DPYD: variants seen among roughly 807,000 people sequenced by gnomAD.
DPYD encodes the protein dihydropyrimidine dehydrogenase, also known as dihydropyrimidine dehydrogenase [NADP(+)].
In DPYD, 109 loss-of-function variants were observed where a neutral mutation model predicts 116.2. The observed-to-expected ratio is 0.94, with a 90% CI of 0.80 to 1.10. The LOEUF is 1.10. Ranked by LOEUF, DPYD falls within the 50% of genes least tolerant of loss-of-function variation. The probability of loss-of-function intolerance (pLI) is 0.00; values close to 1 mark genes in which losing one functional copy is unlikely to be tolerated. For missense variants in DPYD, 1,302 were observed against 1,254.5 expected, an observed-to-expected ratio of 1.04 and a Z score of -0.57; for synonymous variants, 440 against 432.0, an observed-to-expected ratio of 1.02 and a Z score of -0.23.
chr1:97,919,684 C>T (rs1297511028), intron 1 of DPYD, among the ~76,000 whole-genome samples: 1 of 152,186 alleles, frequency 6.6e-6, no homozygotes, highest in African/African-American at 2.4e-5. Context: ...ATCCTGCACA[C>T]AGATGAACAA....
Position 97,514,522 on chromosome 1 carries a change from G to GA in DPYD, c.1740+1203dup, listed in dbSNP as rs554059786. Among the ~76,000 whole-genome samples, 6 of 151,582 alleles carry GA rather than the reference G, an allele frequency of 4.0e-5. No homozygotes were observed. In the East Asian group the frequency reaches 7.8e-4, roughly 20 times the overall value. On this transcript the variant is annotated intron_variant, in intron 13 of 22. Coordinates refer to ENST00000370192, the MANE Select transcript of DPYD (RefSeq NM_000110.4). The stretch of plus-strand genomic sequence containing the variant: ...CTCAGTAATTCTTAACGAATCAATT[G>GA]AAACAAAGACAAATATACTATCAAT...
chr1:97,406,979 T>C (rs983036386), intron 14 of DPYD, among the ~76,000 whole-genome samples: 1 of 152,202 alleles, frequency 6.6e-6, no homozygotes, highest in Non-Finnish European at 1.5e-5. Flanking sequence ...TGCAAGGTTA[T>C]GGTTCATTTA....
chr1:97,885,636 T>C (rs954430222), intron 1 of DPYD, among the ~76,000 whole-genome samples: 1 of 152,108 alleles, frequency 6.6e-6, no homozygotes, highest in African/African-American at 2.4e-5. Flanking sequence ...ACATCCATTA[T>C]GTAACTTAAC....
chr1:97,102,396 C>CTCATATATATATATATATATATATAT, intron 20 of DPYD, among the ~76,000 whole-genome samples: 1 of 97,302 alleles, frequency 1.0e-5, no homozygotes, highest in Non-Finnish European at 2.0e-5. Context: ...CACTCAGTAT[C>CTCATATATATATATATATATATATAT]ATATATATAT....
At chr1:97,703,264 T>C (rs528249247) in intron 5 of DPYD, among the ~76,000 whole-genome samples, 45 of 152,098 alleles carry the variant, frequency 3.0e-4, no homozygotes, top group African/African-American at 1.0e-3. Context: ...GCACAACAGA[T>C]GGTATATTTT....
intron 3 of DPYD, among the ~76,000 whole-genome samples, chr1:97,785,681 CTTTTTTTTTTTTT>C (rs35229030): frequency 5.1e-4 from 32 of 62,552 alleles, no homozygotes; most frequent in Admixed American, 1.2e-3. Context: ...GCCACTGACT[CTTTTTTTTTTTTT>C]TTTTTTTTTT....
chr1:97,285,910 G>C lies in DPYD; in HGVS notation c.2299+19349C>G, dbSNP rs1570428157. ...AAATTCCTTTTAACTGGACCATTTA[G>C]TCCATTTACATTTAAAGTTAATATT... On this transcript the variant is annotated intron_variant, in intron 18 of 22. Transcript: ENST00000370192. 3.3e-5 allele frequency among the ~76,000 whole-genome samples: 5 copies of C among 152,174 alleles called. No homozygotes were observed. In the South Asian group the frequency reaches 1.0e-3, roughly 32 times the overall value.
intron 20 of DPYD, among the ~76,000 whole-genome samples, chr1:97,172,935 A>G (rs1259250622): frequency 1.3e-5 from 2 of 152,052 alleles, no homozygotes; most frequent in East Asian, 1.9e-4. Flanking sequence ...TTGCCTCCCA[A>G]CTGCTCCTGA....
chr1:97,174,043 C>T (rs1657078455), intron 20 of DPYD, among the ~76,000 whole-genome samples: 1 of 151,696 alleles, frequency 6.6e-6, no homozygotes, highest in African/African-American at 2.4e-5. Flanking sequence ...AATGCTATTA[C>T]AAGACAAAAT....
intron 8 of DPYD, among the ~76,000 whole-genome samples, chr1:97,675,246 T>C (rs1203713142): frequency 6.6e-6 from 1 of 152,198 alleles, no homozygotes; most frequent in African/African-American, 2.4e-5. Flanking sequence ...AAAAGCCTTG[T>C]ATAGTAGATG....
intron 1 of DPYD, among the ~76,000 whole-genome samples, chr1:97,909,566 C>T (rs1268119832): frequency 1.3e-5 from 2 of 151,832 alleles, no homozygotes; most frequent in African/African-American, 2.4e-5. Context: ...TGGCTATTGT[C>T]AAGCTCACAC....
chr1:97,364,114 C>A (rs1490063302), intron 16 of DPYD, among the ~76,000 whole-genome samples: 2 of 152,110 alleles, frequency 1.3e-5, no homozygotes, highest in African/African-American at 2.4e-5. Context: ...ATATCAATTT[C>A]TTCCATGTTA....
chr1:97,138,595 C>G (rs1340536187), intron 20 of DPYD, among the ~76,000 whole-genome samples: 3 of 151,656 alleles, frequency 2.0e-5, no homozygotes, highest in Non-Finnish European at 4.4e-5. Flanking sequence ...GCTTAATAAA[C>G]TGCATTAGTT....
At chr1:97,707,560 T>A (rs1405752893) in intron 5 of DPYD, among the ~76,000 whole-genome samples, 1 of 151,386 alleles carries the variant, frequency 6.6e-6, no homozygotes, top group African/African-American at 2.4e-5. Flanking sequence ...TTTTTGTTCT[T>A]GCGATAGTTT....
intron 10 of DPYD, among the ~76,000 whole-genome samples, chr1:97,579,226 C>A (rs1653473429): frequency 6.6e-6 from 1 of 152,164 alleles, no homozygotes; most frequent in Non-Finnish European, 1.5e-5. Context: ...CTGGTCACAG[C>A]CCTACCTGTG....
chr1:97,797,323 T>C (rs138543972), intron 3 of DPYD: 2 of 152,260 alleles, frequency 1.3e-5, no homozygotes, highest in Non-Finnish European at 2.9e-5. Context: ...AGACATATTT[T>C]TTGAAATAAT....
At position 97,324,938 on chromosome 1, in the gene DPYD, T is replaced by C. The variant is rs112275074; in HGVS notation, c.2059-18641A>G. 8.1e-4 allele frequency among the ~76,000 whole-genome samples: 123 copies of C among 152,196 alleles called. 2 individuals are homozygous for C. The highest frequency in any genetic ancestry group is 2.8e-3 in the African/African-American group (115 of 41,564). On this transcript the variant is annotated intron_variant, in intron 16 of 22. Coordinates refer to ENST00000370192, the MANE Select transcript of DPYD (RefSeq NM_000110.4). Reference sequence around the variant, plus strand: ...AAATTAAAATATGATCTCCCTTTCATTCTCAATACCTGCATGATTACCAAT... The same window carrying C: ...AAATTAAAATATGATCTCCCTTTCACTCTCAATACCTGCATGATTACCAAT...
chr1:97,218,191 A>C (rs1252177333), intron 19 of DPYD, among the ~76,000 whole-genome samples: 1 of 152,182 alleles, frequency 6.6e-6, no homozygotes. Flanking sequence ...GTTAAAACTA[A>C]CAACAGGGTT....
rs577689584 is a variant in DPYD, at chr1:97,799,576, T to C, written c.233+28538A>G. Among the ~76,000 whole-genome samples, 4 of 152,042 alleles carry C rather than the reference T, an allele frequency of 2.6e-5. No individual in the cohort carries two copies. The South Asian group carries it at 8.3e-4, about 32-fold the overall frequency. On this transcript the variant is annotated intron_variant, in intron 3 of 22. Transcript: ENST00000370192. Reference sequence around the variant, plus strand: ...TAAACATATGTTGCTACTCTGTGATTTGGTCTTTATCCCAGTCTGACCCAT... The same window carrying C: ...TAAACATATGTTGCTACTCTGTGATCTGGTCTTTATCCCAGTCTGACCCAT...
Sources: gnomAD v4.1 joint callset for allele counts (sites outside exome capture counted in the v4.1 genomes callset) on GRCh38, gnomAD v4.1.1 for gene constraint, MANE v1.5 for transcripts, NCBI Gene and HGNC (gene_info 2026-07-23, HGNC 2026-07-21) for gene names.